LPP: variants seen among roughly 807,000 people sequenced by gnomAD.
LPP encodes LIM domain containing preferred translocation partner in lipoma.
In LPP, 38 loss-of-function variants were observed where a neutral mutation model predicts 60.4. The ratio of observed to expected loss-of-function variants is 0.63; its 90% CI spans 0.49 to 0.83. LPP has a LOEUF of 0.83. Ranked by LOEUF, LPP falls within the 40% of genes least tolerant of loss-of-function variation. LPP has a pLI of 0.00. For missense variants in LPP, 902 were observed against 783.6 expected, an observed-to-expected ratio of 1.15 and a Z score of -1.80; for synonymous variants, 328 against 290.8, an observed-to-expected ratio of 1.13 and a Z score of -1.30.
intron 2 of LPP, among the ~76,000 whole-genome samples, chr3:188,287,263 T>G (rs1050253254): frequency 1.3e-5 from 2 of 152,206 alleles, no homozygotes; most frequent in Non-Finnish European, 2.9e-5. Flanking sequence ...CTTATAATAT[T>G]CAAGTGTTCA....
At chr3:188,732,094 A>T (rs1320177063) in intron 8 of LPP, among the ~76,000 whole-genome samples, 5 of 152,222 alleles carry the variant, frequency 3.3e-5, no homozygotes, top group Non-Finnish European at 7.3e-5. Context: ...TAGTTAGGTC[A>T]GAAGTTACAG....
intron 2 of LPP, among the ~76,000 whole-genome samples, chr3:188,236,509 G>A (rs1721985211): frequency 6.6e-6 from 1 of 152,138 alleles, no homozygotes; most frequent in Non-Finnish European, 1.5e-5. Context: ...GGTCATGCAT[G>A]CCAAATAAAA....
intron 7 of LPP, among the ~76,000 whole-genome samples, chr3:188,679,543 GTGTGT>G (rs1404869616): frequency 1.3e-5 from 2 of 150,344 alleles, no homozygotes; most frequent in Non-Finnish European, 3.0e-5. Context: ...GTGTGTGTGT[GTGTGT>G]GTGTGTGTGT....
At chr3:188,185,040 A>C (rs1235442600) in intron 1 of LPP, among the ~76,000 whole-genome samples, 3 of 152,174 alleles carry the variant, frequency 2.0e-5, no homozygotes, top group African/African-American at 7.2e-5. Flanking sequence ...GCTGCTGTGA[A>C]CTGTGATACG....
intron 1 of LPP, among the ~76,000 whole-genome samples, chr3:188,190,302 G>A (rs1419245355): frequency 6.6e-5 from 10 of 151,894 alleles, no homozygotes; most frequent in African/African-American, 1.5e-4. Context: ...CATGTGATCC[G>A]CCCGCCTCGG....
rs1170836800 is a variant in LPP, at chr3:188,884,772, G to A, written c.*10293G>A. 1 of 225,938 alleles carries A rather than the reference G, an allele frequency of 4.4e-6. No individual in the cohort carries two copies. The highest frequency in any genetic ancestry group is 8.8e-6 in the Non-Finnish European group (1 of 113,604). The allele number at this position is 225,938 out of a possible 1,614,324, so 14.0% of individuals were successfully genotyped here. On this transcript the variant is annotated 3_prime_UTR_variant, in exon 12 of 12. Transcript: ENST00000617246. ...GCAGAAACCGCCGTAGGTTAGCAAT[G>A]CATTTTAGTCTTTCTCTCCATTCAC...
intron 3 of LPP, among the ~76,000 whole-genome samples, chr3:188,373,976 A>G (rs1440941738): frequency 6.6e-6 from 1 of 152,188 alleles, no homozygotes; most frequent in Admixed American, 6.5e-5. Flanking sequence ...TCCTTTCCCC[A>G]TTATTTGTTT....
chr3:188,855,403 A>G (rs1763596501), intron 9 of LPP, among the ~76,000 whole-genome samples: 1 of 152,234 alleles, frequency 6.6e-6, no homozygotes, highest in Non-Finnish European at 1.5e-5. Context: ...GCATAGTAGC[A>G]ACTAAATTCA....
chr3:188,532,302 G>A (rs1299777371), intron 6 of LPP, among the ~76,000 whole-genome samples: 1 of 152,122 alleles, frequency 6.6e-6, no homozygotes, highest in African/African-American at 2.4e-5. Context: ...GCATGCACCT[G>A]TAGTCCCAGC....
chr3:188,353,404 C>T lies in LPP; in HGVS notation c.-10+11685C>T, dbSNP rs1766532697. On this transcript the variant is annotated intron_variant, in intron 3 of 11. Coordinates refer to ENST00000617246, the MANE Select transcript of LPP (RefSeq NM_001375462.1). ...TTATTTTGTGGAAAAATGTTCTCACCGAATTAGATTTTGTTAAGAATTCTT... is the reference window on the plus strand; with the variant it reads ...TTATTTTGTGGAAAAATGTTCTCACTGAATTAGATTTTGTTAAGAATTCTT... Among the ~76,000 whole-genome samples, 8 of 151,980 alleles carry T rather than the reference C, an allele frequency of 5.3e-5. No homozygotes were observed. In the South Asian group the frequency reaches 6.2e-4, roughly 12 times the overall value.
At chr3:188,515,407 T>C (rs1817068632) in intron 5 of LPP, among the ~76,000 whole-genome samples, 2 of 152,352 alleles carry the variant, frequency 1.3e-5, no homozygotes, top group South Asian at 4.1e-4. Context: ...ATGCTTCTTA[T>C]ATAGCCTGCA....
chr3:188,162,170 G>A (rs1718485034), intron 1 of LPP, among the ~76,000 whole-genome samples: 1 of 152,138 alleles, frequency 6.6e-6, no homozygotes, highest in African/African-American at 2.4e-5. Flanking sequence ...CACTTTTAAT[G>A]TAGCAAATAC....
intron 2 of LPP, among the ~76,000 whole-genome samples, chr3:188,234,112 T>C (rs186926274): frequency 3.3e-5 from 5 of 152,146 alleles, no homozygotes; most frequent in Admixed American, 6.5e-5. Context: ...CCGTTATCTG[T>C]ACTCTTATGG....
chr3:188,170,911 G>A (rs1240063304), intron 1 of LPP, among the ~76,000 whole-genome samples: 1 of 152,176 alleles, frequency 6.6e-6, no homozygotes, highest in Admixed American at 6.5e-5. Context: ...CATGCTAGAT[G>A]AGGTAGAGGA....
intron 8 of LPP, among the ~76,000 whole-genome samples, chr3:188,741,167 A>C (rs1450044007): frequency 6.7e-6 from 1 of 150,188 alleles, no homozygotes; most frequent in African/African-American, 2.5e-5. Flanking sequence ...AAAACCATGA[A>C]ATTTATGAAA....
intron 9 of LPP, among the ~76,000 whole-genome samples, chr3:188,822,273 C>A (rs1462088320): frequency 1.3e-5 from 2 of 152,052 alleles, no homozygotes; most frequent in Non-Finnish European, 2.9e-5. Context: ...TAAAAACTCT[C>A]TTCTCGGATA....
intron 2 of LPP, among the ~76,000 whole-genome samples, chr3:188,244,269 G>T (rs1459004140): frequency 1.3e-5 from 2 of 152,212 alleles, no homozygotes; most frequent in Non-Finnish European, 2.9e-5. Flanking sequence ...AATTGACATC[G>T]TTGAGGTGGG....
At chr3:188,731,512 G>GTTTTTTTTGT (rs1720481087) in intron 8 of LPP, among the ~76,000 whole-genome samples, 1 of 98,500 alleles carries the variant, frequency 1.0e-5, no homozygotes, top group Non-Finnish European at 2.0e-5. Flanking sequence ...TTATTTTTTT[G>GTTTTTTTTGT]TTTTTTTTGT....
At chr3:188,608,064 G>C (rs1842874447) in intron 6 of LPP, among the ~76,000 whole-genome samples, 3 of 152,150 alleles carry the variant, frequency 2.0e-5, no homozygotes. Context: ...CAGTCTGGTA[G>C]AGAAGCTGTG....
Sources: gnomAD v4.1 joint callset for allele counts (sites outside exome capture counted in the v4.1 genomes callset) on GRCh38, gnomAD v4.1.1 for gene constraint, MANE v1.5 for transcripts, NCBI Gene and HGNC (gene_info 2026-07-23, HGNC 2026-07-21) for gene names.